The following UBA1 variants were observed in gnomAD, a reference collection of about 807,000 sequenced individuals.
UBA1 encodes ubiquitin-like modifier-activating enzyme 1.
In UBA1, 4 loss-of-function variants were observed where a neutral mutation model predicts 84.7. The observed-to-expected ratio is 0.05, with a 90% CI of 0.02 to 0.11. The LOEUF is 0.11. UBA1 is among the 10% of genes least tolerant of loss of function. The probability of loss-of-function intolerance (pLI) is 1.00; values close to 1 mark genes in which losing one functional copy is unlikely to be tolerated. For missense variants in UBA1, 513 were observed against 902.8 expected, an observed-to-expected ratio of 0.57 and a Z score of 5.53; for synonymous variants, 364 against 362.6, an observed-to-expected ratio of 1.00 and a Z score of -0.04.
rs782340410 is a variant in UBA1, at chrX:47,213,136, G to A, written c.2793G>A (p.Leu931=). The part of the protein sequence containing the change: ...SYKNGFLNLA[L]PFFGFSEPLA... Reference sequence around the variant, plus strand: ...AGAATGGTTTCCTCAACTTGGCCCTGCCTTTCTTTGGTTTCTCTGAACCCC... The same window carrying A: ...AGAATGGTTTCCTCAACTTGGCCCTACCTTTCTTTGGTTTCTCTGAACCCC... The change falls in exon 23 of 26, where the codon CTG becomes CTA. Residue 931 remains leucine (L), a synonymous_variant. Coordinates refer to ENST00000335972, the MANE Select transcript of UBA1 (RefSeq NM_003334.4). The A allele has an allele frequency of 4.1e-6, 5 of 1,209,945 alleles. No homozygotes were observed. In the Admixed American group the frequency reaches 1.1e-4, roughly 26 times the overall value.
upstream of UBA1, among the ~76,000 whole-genome samples, chrX:47,193,284 T>A (rs782772414): frequency 7.3e-5 from 8 of 110,270 alleles, no homozygotes; most frequent in East Asian, 2.8e-4. Flanking sequence ...CCTGGGAGAG[T>A]GTGTTTTCCC....
Position 47,197,761 on chromosome X carries a change from C to G in UBA1, c.1-1042C>G, listed in dbSNP as rs893999888. 6.1e-6 allele frequency: 3 copies of G among 490,356 alleles called. No homozygotes were observed. The South Asian group carries it at 3.1e-4, about 50-fold the overall frequency. 40.4% of individuals were successfully genotyped at this position (490,356 alleles called of 1,213,427 possible). ...AAACGTGATAACACGAGGAAGCAGC[C>G]TGGGCTTCAGAGTCAGCAGATCCTG... On this transcript the variant is annotated intron_variant, in intron 1 of 25. Transcript: ENST00000335972.
chrX:47,204,468 A>AAGCTTGTT (rs782281917), intron 14 of UBA1, among the ~76,000 whole-genome samples: 1 of 111,477 alleles, frequency 9.0e-6, no homozygotes, highest in Non-Finnish European at 1.9e-5. Flanking sequence ...CCAACCAGGG[A>AAGCTTGTT]AGCTTGTTAG....
upstream of UBA1, among the ~76,000 whole-genome samples, chrX:47,191,115 G>A (rs1305418544): frequency 9.0e-6 from 1 of 111,655 alleles, no homozygotes; most frequent in Non-Finnish European, 1.9e-5. Context: ...GGTGCCGTTT[G>A]GGGACTTCGG....
chrX:47,204,828 C>T (rs1484604693), intron 14 of UBA1: 1 of 111,822 alleles, frequency 8.9e-6, no homozygotes, highest in Non-Finnish European at 1.9e-5. Flanking sequence ...TTTGCTTACC[C>T]AGGATTTATT....
intron 17 of UBA1, 28 bp from the exon 18 acceptor site, chrX:47,209,900 A>G: frequency 1.7e-6 from 2 of 1,206,716 alleles, no homozygotes; most frequent in Non-Finnish European, 2.2e-6. Context: ...ATGTAATCCT[A>G]TCCTCTGTCC....
At chrX:47,195,077 C>CT (rs1371361738) in intron 1 of UBA1, among the ~76,000 whole-genome samples, 3 of 111,126 alleles carry the variant, frequency 2.7e-5, no homozygotes, top group Non-Finnish European at 5.7e-5. Context: ...GTTCTAGCTG[C>CT]TTTTTTCACA....
Position 47,199,080 on chromosome X carries a change from A to G in UBA1, c.150A>G (p.Ile50Met). Residue 50 changes from isoleucine (I) to methionine (M), a missense_variant, in exon 3 of 26, where the codon ATA becomes ATG. Physicochemically the swap from Ile to Met is conservative, Grantham distance 10. Around this residue, in one of 6 missense-constraint regions of UBA1, gnomAD observed 2 missense variants for 17.3 expected, o/e 0.12. Coordinates refer to ENST00000335972, the MANE Select transcript of UBA1 (RefSeq NM_003334.4). ...CCAAGAACGGCAGTGAAGCAGACAT[A>G]GACGAGGGCCTTTACTCCCGGCAGC... is the stretch of plus-strand genomic sequence containing the variant. ...GMAKNGSEAD[I>M]DEGLYSRQLY... The G allele has an allele frequency of 1.6e-6, 2 of 1,212,463 alleles. No individual in the cohort carries two copies. The highest frequency in any genetic ancestry group is 2.2e-6 in the Non-Finnish European group (2 of 895,671).
At chrX:47,206,947 A>G (rs782570053) in intron 16 of UBA1, among the ~76,000 whole-genome samples, 2 of 109,804 alleles carry the variant, frequency 1.8e-5, no homozygotes, top group South Asian at 7.8e-4. Flanking sequence ...GCACTGTAGG[A>G]TGTTTCTCAG....
At chrX:47,214,195 A>G (rs1569218584) in intron 23 of UBA1, 132 bp from the exon 24 acceptor site, 2 of 572,143 alleles carry the variant, frequency 3.5e-6, no homozygotes, top group East Asian at 6.7e-5. Context: ...TAGGAACCAC[A>G]AGAGGATTTC....
At chrX:47,212,208 T>G (rs996609633) in intron 20 of UBA1, among the ~76,000 whole-genome samples, 1 of 110,763 alleles carries the variant, frequency 9.0e-6, no homozygotes, top group African/African-American at 3.3e-5. Context: ...TCTAGAGAGA[T>G]CATTCTTGAT....
At chrX:47,199,017 C>T in intron 2 of UBA1, 31 bp from the exon 3 acceptor site, 1 of 1,211,083 alleles carries the variant, frequency 8.3e-7, no homozygotes, top group Non-Finnish European at 1.1e-6. Flanking sequence ...CTGTGTGTCT[C>T]CCTAAACTTG....
At position 47,214,311 on chromosome X, in the gene UBA1, C is replaced by A; in HGVS notation, c.2839-16C>A. On this transcript the variant is annotated splice_polypyrimidine_tract_variant and intron_variant, in intron 23 of 25. Transcript: ENST00000335972. ...TGGGATGGTCTCCATCTTACACTCC[C>A]CTCTTTGTCTTGCAGTACTATAACC... The A allele has an allele frequency of 8.3e-7, 1 of 1,201,513 alleles. No homozygotes were observed. Among genetic ancestry groups the A allele is most frequent in the Non-Finnish European group, 1.1e-6 (1 of 886,518 alleles).
intron 14 of UBA1, chrX:47,205,683 G>T: frequency 4.9e-6 from 2 of 405,702 alleles, no homozygotes; most frequent in Admixed American, 7.9e-5. Context: ...ACAAAACCCT[G>T]TCTCTACCAA....
rs782163842 is a variant in UBA1, at chrX:47,208,345, G to A, written c.1939-1278G>A. Among the ~76,000 whole-genome samples the A allele has an allele frequency of 2.3e-3, 260 of 111,113 alleles. 2 individuals carry two copies. Among genetic ancestry groups the A allele is most frequent in the African/African-American group, 8.1e-3 (247 of 30,518 alleles). On this transcript the variant is annotated intron_variant, in intron 16 of 25. Coordinates refer to ENST00000335972, the MANE Select transcript of UBA1 (RefSeq NM_003334.4). ...TGTACGTGTGTGTGTGTGTGTGTGC[G>A]CACGCACGCGTGCCCGTTACGTTGA...
chrX:47,213,587 C>T (rs1010383917), intron 23 of UBA1, among the ~76,000 whole-genome samples: 1 of 112,182 alleles, frequency 8.9e-6, no homozygotes. Context: ...AAAAAGAGGC[C>T]GGGCGTGGTG....
At chrX:47,196,473 T>A (rs1329745798) in intron 1 of UBA1, among the ~76,000 whole-genome samples, 1 of 111,989 alleles carries the variant, frequency 8.9e-6, no homozygotes, top group Non-Finnish European at 1.9e-5. Flanking sequence ...GACTCAGGTA[T>A]GTTTAGAAAC....
In UBA1 at chrX:47,199,238, G is replaced by A. The variant is rs782425809; in HGVS notation, c.206G>A (p.Arg69Gln). Residue 69 changes from arginine (R) to glutamine (Q), a missense_variant, in exon 4 of 26, where the codon CGG becomes CAG. Arg to Gln is a conservative substitution (Grantham distance 43). This residue lies in a region of UBA1 where 227 missense variants were observed against 339.1 expected (regional missense o/e 0.67). Coordinates refer to ENST00000335972, the MANE Select transcript of UBA1 (RefSeq NM_003334.4). The part of the protein sequence containing the change: ...LYVLGHEAMK[R>Q]LQTSSVLVSG... ...GTGTTGGGCCATGAGGCAATGAAGCGGCTCCAGACATCCAGTGTCCTGGTA... is the reference window on the plus strand; with the variant it reads ...GTGTTGGGCCATGAGGCAATGAAGCAGCTCCAGACATCCAGTGTCCTGGTA... 333 of 1,210,850 alleles carry A rather than the reference G, an allele frequency of 2.8e-4. No individual in the cohort carries two copies. The South Asian group carries it at 5.5e-3, about 20-fold the overall frequency.
intron 23 of UBA1, 71 bp downstream of exon 23, chrX:47,213,252 TACCCTGTCACC>T: frequency 1.8e-6 from 2 of 1,088,237 alleles, no homozygotes; most frequent in Non-Finnish European, 2.5e-6. Context: ...ATTCACGTCA[TACCCTGTCACC>T]AGGTGAGGGT....
Sources: allele counts gnomAD v4.1 joint callset (sites outside exome capture counted in the v4.1 genomes callset), GRCh38; gene constraint gnomAD v4.1.1; regional missense constraint gnomAD v4.1.1; transcripts MANE v1.5; gene names NCBI Gene and HGNC (gene_info 2026-07-23, HGNC 2026-07-21).